Variants in KCNH1 observed in about 807,000 individuals in gnomAD.
KCNH1 encodes the protein voltage-gated delayed rectifier potassium channel KCNH1.
In KCNH1, 27 loss-of-function variants were observed where a neutral mutation model predicts 69.2. That is an observed-to-expected ratio of 0.39 (90% CI 0.29 to 0.54). KCNH1 has a LOEUF of 0.54. KCNH1 is among the 20% of genes least tolerant of loss of function. KCNH1 has a pLI of 0.68. For missense variants in KCNH1, 798 were observed against 1,261.6 expected (o/e 0.63, Z 5.57); for synonymous variants, 456 against 487.7 (o/e 0.93, Z 0.86).
Position 211,020,972 on chromosome 1 carries a change from G to A in KCNH1, c.559-1716C>T, listed in dbSNP as rs1689577829. On this transcript the variant is annotated intron_variant, in intron 5 of 10. Coordinates refer to ENST00000271751, the MANE Select transcript of KCNH1 (RefSeq NM_172362.3). ...AAAAAAACTCAACAAATGAGGTATA[G>A]AAGAAAGGTACTCAAATGCCTTACA... Among the ~76,000 whole-genome samples the A allele has an allele frequency of 2.0e-5, 3 of 152,092 alleles. No homozygotes were observed. In the South Asian group the frequency reaches 6.2e-4, roughly 32 times the overall value.
intron 7 of KCNH1, among the ~76,000 whole-genome samples, chr1:210,885,259 G>T (rs1051486641): frequency 6.6e-6 from 1 of 152,224 alleles, no homozygotes; most frequent in African/African-American, 2.4e-5. Flanking sequence ...CCCACGGAGG[G>T]TGAGCAGAAG....
At chr1:210,882,801 C>A (rs752200381) in intron 7 of KCNH1, among the ~76,000 whole-genome samples, 2 of 152,066 alleles carry the variant, frequency 1.3e-5, no homozygotes, top group Non-Finnish European at 2.9e-5. Context: ...AAGAAGAAAT[C>A]GATGCTTGCA....
chr1:211,001,461 G>A (rs1282611990), intron 6 of KCNH1, among the ~76,000 whole-genome samples: 3 of 152,144 alleles, frequency 2.0e-5, no homozygotes, highest in African/African-American at 7.2e-5. Flanking sequence ...AAACCACAAT[G>A]AGATACCATC....
At chr1:210,705,053 A>G (rs998916367) in intron 10 of KCNH1, among the ~76,000 whole-genome samples, 1 of 152,108 alleles carries the variant, frequency 6.6e-6, no homozygotes, top group Non-Finnish European at 1.5e-5. Context: ...GAAGGTAGGG[A>G]GGTGGGGCGG....
intron 5 of KCNH1, among the ~76,000 whole-genome samples, chr1:211,068,092 T>C (rs1304977029): frequency 6.6e-6 from 1 of 152,236 alleles, no homozygotes; most frequent in East Asian, 1.9e-4. Context: ...TAAACCGGCT[T>C]TGAAAACAAC....
At chr1:210,860,849 A>C (rs1685962560) in intron 7 of KCNH1, 1 of 920,546 alleles carries the variant, frequency 1.1e-6, no homozygotes, top group East Asian at 2.4e-5. Flanking sequence ...TGAAGTACTC[A>C]GCAAGCCCTT....
intron 10 of KCNH1, among the ~76,000 whole-genome samples, chr1:210,689,190 A>T (rs1681474776): frequency 6.6e-6 from 1 of 152,188 alleles, no homozygotes; most frequent in South Asian, 2.1e-4. Context: ...TCAGATCCTT[A>T]AGCTACAGGG....
chr1:210,740,704 ATTTTTTTTTTTTTTT>A lies in KCNH1; in HGVS notation c.2112+34629_2112+34643del, dbSNP rs199727493. Among the ~76,000 whole-genome samples the A allele has an allele frequency of 1.2e-3, 146 of 117,250 alleles. No individual in the cohort carries two copies. In the Middle Eastern group the frequency reaches 0.018, roughly 14 times the overall value. The allele number at this position is 117,250 out of a possible 152,430, so 76.9% of individuals were successfully genotyped here. On this transcript the variant is annotated intron_variant, in intron 10 of 10. Transcript: ENST00000271751. ...GTCTCTGATTAAATTTTATGATTAA[ATTTTTTTTTTTTTTT>A]TTTTTTTTTTTTTACTAAAAGAAAC... is the stretch of plus-strand genomic sequence containing the variant.
rs1317971155 is a variant in KCNH1 at position 210,680,784 on chromosome 1, T to C, written c.*2497A>G. ...GCACCTGTGACCCAAGATGAACAGA[T>C]TCCTGCCGCAGGAGCTGGCTTCCAG... On this transcript the variant is annotated 3_prime_UTR_variant, in exon 11 of 11. Coordinates refer to ENST00000271751, the MANE Select transcript of KCNH1 (RefSeq NM_172362.3). 2 of 152,214 alleles carry C rather than the reference T, an allele frequency of 1.3e-5. No homozygotes were observed. Among genetic ancestry groups the C allele is most frequent in the African/African-American group, 2.4e-5 (1 of 41,450 alleles). 9.4% of individuals were successfully genotyped at this position (152,214 alleles called of 1,614,324 possible). A position where few individuals can be genotyped will look rare whatever the true frequency, so the allele number is the denominator to read the frequency against.
intron 6 of KCNH1, among the ~76,000 whole-genome samples, chr1:210,959,896 G>C (rs995479736): frequency 6.6e-6 from 1 of 152,134 alleles, no homozygotes; most frequent in Non-Finnish European, 1.5e-5. Flanking sequence ...GCTTCAGCTC[G>C]CCCTCCATGG....
At chr1:210,900,296 T>C (rs936598084) in intron 7 of KCNH1, among the ~76,000 whole-genome samples, 2 of 152,190 alleles carry the variant, frequency 1.3e-5, no homozygotes, top group African/African-American at 4.8e-5. Flanking sequence ...GCACAAATCA[T>C]CCCCGGTGCT....
At chr1:210,743,876 T>G (rs1683090935) in intron 10 of KCNH1, among the ~76,000 whole-genome samples, 1 of 152,212 alleles carries the variant, frequency 6.6e-6, no homozygotes, top group African/African-American at 2.4e-5. Context: ...TAGCTGGGAC[T>G]GGGAGCTTCC....
chr1:210,896,541 C>T (rs1686871315), intron 7 of KCNH1, among the ~76,000 whole-genome samples: 1 of 152,102 alleles, frequency 6.6e-6, no homozygotes, highest in South Asian at 2.1e-4. Context: ...AGTAAGCAGA[C>T]AGAATAAGTA....
intron 9 of KCNH1, among the ~76,000 whole-genome samples, chr1:210,795,437 G>A (rs1042953138): frequency 6.6e-6 from 1 of 152,100 alleles, no homozygotes; most frequent in Non-Finnish European, 1.5e-5. Flanking sequence ...ATGAGCCACT[G>A]CACCCGACCA....
At chr1:210,843,493 T>C (rs1282214416) in intron 7 of KCNH1, among the ~76,000 whole-genome samples, 2 of 152,200 alleles carry the variant, frequency 1.3e-5, no homozygotes, top group East Asian at 1.9e-4. Flanking sequence ...TACTCTGGTA[T>C]CAGTTATCAC....
chr1:211,028,883 C>A (rs1056853233), intron 5 of KCNH1, among the ~76,000 whole-genome samples: 3 of 151,956 alleles, frequency 2.0e-5, no homozygotes, highest in Admixed American at 6.6e-5. Context: ...AAAATAGAAG[C>A]AGAGGGAACA....
intron 1 of KCNH1, among the ~76,000 whole-genome samples, chr1:211,118,540 G>A (rs1434638648): frequency 1.3e-5 from 2 of 152,134 alleles, no homozygotes; most frequent in Non-Finnish European, 2.9e-5. Context: ...GCAATTAAGT[G>A]TAAGGTTTCC....
chr1:210,946,571 GAGAC>G (rs1687962475), intron 6 of KCNH1, among the ~76,000 whole-genome samples: 1 of 152,158 alleles, frequency 6.6e-6, no homozygotes, highest in Non-Finnish European at 1.5e-5. Flanking sequence ...AACAGCCCTA[GAGAC>G]ACATCTCACA....
chr1:211,110,209 T>A (rs1353567485), intron 1 of KCNH1, among the ~76,000 whole-genome samples: 1 of 152,186 alleles, frequency 6.6e-6, no homozygotes, highest in Non-Finnish European at 1.5e-5. Flanking sequence ...ATTTACCACA[T>A]ATTCTTTCTT....
Sources: allele counts gnomAD v4.1 joint callset (sites outside exome capture counted in the v4.1 genomes callset), GRCh38; gene constraint gnomAD v4.1.1; transcripts MANE v1.5; gene names NCBI Gene and HGNC (gene_info 2026-07-23, HGNC 2026-07-21).